The following KCNB2 variants were observed in gnomAD, a reference collection of about 807,000 sequenced individuals.
The protein encoded by KCNB2 is delayed rectifier potassium channel protein.
Under a neutral mutation model 61.5 loss-of-function variants are expected in KCNB2, and 15 were observed. The ratio of observed to expected loss-of-function variants is 0.24; its 90% CI spans 0.16 to 0.38. KCNB2 has a LOEUF of 0.38. Among genes scored for constraint, KCNB2 ranks in the 10% least tolerant of loss-of-function variants. The pLI is 1.00. For missense variants in KCNB2, 828 were observed against 1,125.2 expected, an observed-to-expected ratio of 0.74 and a Z score of 3.78; for synonymous variants, 457 against 446.0, an observed-to-expected ratio of 1.02 and a Z score of -0.31.
At position 72,832,378 on chromosome 8, in the gene KCNB2, G is replaced by C. The variant is rs183831555; in HGVS notation, c.580-103557G>C. Reference sequence around the variant, plus strand: ...GAACTTAGTAATTAGAAAATTATGGGTGACTCTTGGGGAACAGTTTTAGAA... The same window carrying C: ...GAACTTAGTAATTAGAAAATTATGGCTGACTCTTGGGGAACAGTTTTAGAA... On this transcript the variant is annotated intron_variant, in intron 2 of 2. Transcript: ENST00000523207. Among the ~76,000 whole-genome samples the C allele has an allele frequency of 7.2e-5, 11 of 152,272 alleles. No homozygotes were observed. The East Asian group carries it at 2.1e-3, about 29-fold the overall frequency.
At chr8:72,852,435 T>G (rs1563404923) in intron 2 of KCNB2, among the ~76,000 whole-genome samples, 1 of 152,240 alleles carries the variant, frequency 6.6e-6, no homozygotes, top group Admixed American at 6.5e-5. Flanking sequence ...TTTCATATTT[T>G]ATTTACTTTT....
At chr8:72,632,010 G>A (rs762057352) in intron 2 of KCNB2, among the ~76,000 whole-genome samples, 1 of 152,136 alleles carries the variant, frequency 6.6e-6, no homozygotes, top group Non-Finnish European at 1.5e-5. Flanking sequence ...GCTGAGGCAG[G>A]AGGATCACTT....
At chr8:72,717,953 A>C (rs1393870555) in intron 2 of KCNB2, among the ~76,000 whole-genome samples, 1 of 152,116 alleles carries the variant, frequency 6.6e-6, no homozygotes, top group African/African-American at 2.4e-5. Flanking sequence ...CAATGAACTC[A>C]AACAAATTTA....
Position 72,930,739 on chromosome 8 carries a change from C to T in KCNB2, c.580-5196C>T, listed in dbSNP as rs187948418. On this transcript the variant is annotated intron_variant, in intron 2 of 2. Coordinates refer to ENST00000523207, the MANE Select transcript of KCNB2 (RefSeq NM_004770.3). ...TAGATTGCAAAAATTTTCTCTCATT[C>T]TGTAGGTTGCCTGTTCACTCTGACG... is the stretch of plus-strand genomic sequence containing the variant. Among the ~76,000 whole-genome samples the T allele has an allele frequency of 2.2e-4, 33 of 152,240 alleles. No individual in the cohort carries two copies. The South Asian group carries it at 5.4e-3, about 25-fold the overall frequency.
chr8:72,571,209 T>A (rs1806703200), intron 2 of KCNB2, among the ~76,000 whole-genome samples: 1 of 152,226 alleles, frequency 6.6e-6, no homozygotes. Context: ...GTAATAATTG[T>A]TCAGCCCATG....
rs1423573811 is a variant in KCNB2, at chr8:72,937,503, A to C, written c.2148A>C (p.Lys716Asn). Residue 716 changes from lysine to asparagine, a missense_variant, in exon 3 of 3, where the codon AAA becomes AAC. By Grantham distance (94) the Lys-to-Asn change is moderately conservative (BLOSUM62 0). This residue lies in a region of KCNB2 where 559 missense variants were observed against 588.4 expected (regional missense o/e 0.95). Coordinates refer to ENST00000523207, the MANE Select transcript of KCNB2 (RefSeq NM_004770.3). Reference protein sequence around the residue: ...GSNPLKSRSLKVNFKENRGSA... With the variant: ...GSNPLKSRSLNVNFKENRGSA... ...ACCCACTAAAGTCCAGATCCCTCAA[A>C]GTGAACTTTAAGGAAAATAGAGGCA... The C allele has an allele frequency of 6.2e-7, 1 of 1,613,954 alleles. No individual in the cohort carries two copies. The highest frequency in any genetic ancestry group is 1.7e-5 in the Admixed American group (1 of 59,998).
At chr8:72,831,785 T>C (rs1380543374) in intron 2 of KCNB2, among the ~76,000 whole-genome samples, 1 of 152,268 alleles carries the variant, frequency 6.6e-6, no homozygotes. Context: ...TTCAATACTT[T>C]GTCTGAGAAA....
intron 2 of KCNB2, among the ~76,000 whole-genome samples, chr8:72,772,514 A>T (rs1808577511): frequency 6.6e-6 from 1 of 152,192 alleles, no homozygotes; most frequent in South Asian, 2.1e-4. Flanking sequence ...CAAGTATAGG[A>T]TTAGGCATTC....
chr8:72,686,867 A>G (rs1806861612), intron 2 of KCNB2, among the ~76,000 whole-genome samples: 1 of 152,196 alleles, frequency 6.6e-6, no homozygotes. Flanking sequence ...TATGACCTAA[A>G]TAGCCATCTT....
intron 2 of KCNB2, among the ~76,000 whole-genome samples, chr8:72,829,070 C>T (rs571499727): frequency 6.6e-6 from 1 of 152,184 alleles, no homozygotes; most frequent in African/African-American, 2.4e-5. Context: ...ATGGCTCTGA[C>T]CAGAGAAGAT....
At chr8:72,928,735 T>G (rs1321952581) in intron 2 of KCNB2, among the ~76,000 whole-genome samples, 1 of 150,984 alleles carries the variant, frequency 6.6e-6, no homozygotes, top group Non-Finnish European at 1.5e-5. Context: ...AAACATATTT[T>G]AAGACATGAG....
intron 2 of KCNB2, among the ~76,000 whole-genome samples, chr8:72,842,689 C>A (rs1329278234): frequency 1.3e-5 from 2 of 152,154 alleles, no homozygotes; most frequent in Non-Finnish European, 2.9e-5. Flanking sequence ...AGGAATTTAT[C>A]CATTTCTTCT....
At chr8:72,728,613 G>A (rs932517552) in intron 2 of KCNB2, among the ~76,000 whole-genome samples, 1 of 152,136 alleles carries the variant, frequency 6.6e-6, no homozygotes, top group Non-Finnish European at 1.5e-5. Context: ...AATATATAAT[G>A]TGATACATAC....
chr8:72,569,990 T>A (rs1395427547), intron 2 of KCNB2, among the ~76,000 whole-genome samples: 4 of 152,128 alleles, frequency 2.6e-5, no homozygotes, highest in Non-Finnish European at 4.4e-5. Context: ...AGAAAAAATT[T>A]AAGATATATG....
chr8:72,913,748 T>C (rs1373659477), intron 2 of KCNB2, among the ~76,000 whole-genome samples: 1 of 152,228 alleles, frequency 6.6e-6, no homozygotes, highest in Non-Finnish European at 1.5e-5. Context: ...AGACCTGGTC[T>C]TATCAGATCA....
chr8:72,638,876 C>A (rs1806009518), intron 2 of KCNB2, among the ~76,000 whole-genome samples: 1 of 152,130 alleles, frequency 6.6e-6, no homozygotes, highest in Non-Finnish European at 1.5e-5. Context: ...TAAATAAACA[C>A]CCTTCTCACC....
At chr8:72,703,854 A>G (rs935457406) in intron 2 of KCNB2, among the ~76,000 whole-genome samples, 3 of 152,242 alleles carry the variant, frequency 2.0e-5, no homozygotes, top group Non-Finnish European at 2.9e-5. Flanking sequence ...GAAGCACTGG[A>G]CTGAAGGATA....
intron 2 of KCNB2, among the ~76,000 whole-genome samples, chr8:72,643,520 C>T (rs1806086025): frequency 6.6e-6 from 1 of 152,040 alleles, no homozygotes; most frequent in Non-Finnish European, 1.5e-5. Flanking sequence ...CCATTAAGAG[C>T]ACTCCATGGT....
intron 2 of KCNB2, among the ~76,000 whole-genome samples, chr8:72,805,906 A>T (rs192390164): frequency 2.5e-4 from 38 of 152,296 alleles, no homozygotes; most frequent in Admixed American, 2.1e-3. Flanking sequence ...GTGTTGTAGG[A>T]AGGGCATTGG....
Sources: gnomAD v4.1 joint callset for allele counts (sites outside exome capture counted in the v4.1 genomes callset) on GRCh38, gnomAD v4.1.1 for gene constraint, gnomAD v4.1.1 regional missense constraint, MANE v1.5 for transcripts, NCBI Gene and HGNC (gene_info 2026-07-23, HGNC 2026-07-21) for gene names.